Variants in AKAP19 observed in about 807,000 individuals in gnomAD.
AKAP19 encodes the protein A-kinase anchoring protein 19, also known as small A-kinase anchoring protein.
At chr2:190,093,639 A>T in the AKAP19 span, among the ~76,000 whole-genome samples, 1 of 151,964 alleles carries the variant, frequency 6.6e-6, no homozygotes, top group African/African-American at 2.4e-5. Flanking sequence ...TTGCTCTCAT[A>T]TTTCCCCTTC....
chr2:190,146,789 G>T, the AKAP19 span, among the ~76,000 whole-genome samples: 5 of 152,160 alleles, frequency 3.3e-5, no homozygotes, highest in South Asian at 1.0e-3. Flanking sequence ...TTGGCCATTT[G>T]TATATCTTCT....
chr2:189,926,232 A>G, the AKAP19 span, among the ~76,000 whole-genome samples: 1 of 152,198 alleles, frequency 6.6e-6, no homozygotes, highest in African/African-American at 2.4e-5. Flanking sequence ...AAATGACACA[A>G]TATGTTCCAT....
the AKAP19 span, among the ~76,000 whole-genome samples, chr2:190,177,995 G>A: frequency 6.6e-6 from 1 of 152,098 alleles, no homozygotes; most frequent in Admixed American, 6.5e-5. The surrounding 1 kb of genome is among the most constrained non-coding windows in gnomAD (Gnocchi z 4.6). Flanking sequence ...ATTCACCTCA[G>A]GCCATCGCTG....
the AKAP19 span, among the ~76,000 whole-genome samples, chr2:190,182,243 C>A: frequency 6.6e-6 from 1 of 152,160 alleles, no homozygotes; most frequent in Non-Finnish European, 1.5e-5. Flanking sequence ...ACTTAGGAAG[C>A]AGTACCTGTT....
chr2:190,011,054 T>C, the AKAP19 span, among the ~76,000 whole-genome samples: 180 of 128,434 alleles, frequency 1.4e-3, no homozygotes, highest in African/African-American at 4.9e-3. Context: ...CTCTCTCTTT[T>C]TTTTTTTTTT....
At chr2:190,142,602 A>G in the AKAP19 span, among the ~76,000 whole-genome samples, 1 of 152,214 alleles carries the variant, frequency 6.6e-6, no homozygotes, top group Non-Finnish European at 1.5e-5. Context: ...CTTATATGCC[A>G]GTAAACTTCT....
chr2:189,977,956 T>C, the AKAP19 span, among the ~76,000 whole-genome samples: 19 of 152,364 alleles, frequency 1.2e-4, no homozygotes, highest in Admixed American at 6.5e-4. Flanking sequence ...ATAAATTACA[T>C]AAGCTGTTCA....
the AKAP19 span, among the ~76,000 whole-genome samples, chr2:189,969,670 G>A: frequency 6.8e-6 from 1 of 148,000 alleles, no homozygotes; most frequent in Non-Finnish European, 1.5e-5. Flanking sequence ...CAGAGGTTGT[G>A]GTGAGCCAAG....
the AKAP19 span, among the ~76,000 whole-genome samples, chr2:190,139,917 C>T: frequency 6.6e-6 from 1 of 152,164 alleles, no homozygotes; most frequent in Non-Finnish European, 1.5e-5. Context: ...TCATCTGAGA[C>T]AAGGCAAGTC....
the AKAP19 span, chr2:190,199,967 C>CTAGGATGGCTTCTCCAGT: frequency 6.2e-7 from 1 of 1,614,066 alleles, no homozygotes; most frequent in Non-Finnish European, 8.5e-7. Flanking sequence ...AGATGTCTAC[C>CTAGGATGGCTTCTCCAGT]TAGGATGGCT....
the AKAP19 span, among the ~76,000 whole-genome samples, chr2:190,002,475 T>C: frequency 3.1e-4 from 47 of 152,218 alleles, no homozygotes; most frequent in African/African-American, 1.1e-3. Context: ...CACACCAACA[T>C]GGCACATGTA....
the AKAP19 span, among the ~76,000 whole-genome samples, chr2:189,935,284 T>C: frequency 0.05 from 7,595 of 150,634 alleles, 627 homozygotes; most frequent in African/African-American, 0.17. Flanking sequence ...CAGACATATA[T>C]TTAGAACTAG....
At chr2:190,069,705 G>A in the AKAP19 span, among the ~76,000 whole-genome samples, 10 of 152,214 alleles carry the variant, frequency 6.6e-5, no homozygotes, top group South Asian at 1.7e-3. Context: ...TTAGAAAGAA[G>A]TATTTTTAAA....
chr2:190,056,538 T>C, the AKAP19 span: 1 of 152,536 alleles, frequency 6.6e-6, no homozygotes, highest in Admixed American at 6.6e-5. Context: ...AAAGCCAACC[T>C]CTAGAAAAAT....
At chr2:190,096,034 G>C in the AKAP19 span, among the ~76,000 whole-genome samples, 1 of 152,116 alleles carries the variant, frequency 6.6e-6, no homozygotes, top group African/African-American at 2.4e-5. Context: ...ATAGAAGCTG[G>C]GCTTTTCTTC....
the AKAP19 span, among the ~76,000 whole-genome samples, chr2:190,160,095 C>T: frequency 2.6e-5 from 4 of 152,162 alleles, no homozygotes; most frequent in Admixed American, 2.0e-4. Context: ...GGGACAATCA[C>T]GACCTAGCTG....
chr2:189,890,762 A>G, the AKAP19 span, among the ~76,000 whole-genome samples: 2 of 151,622 alleles, frequency 1.3e-5, no homozygotes, highest in Non-Finnish European at 1.5e-5. Context: ...TTTGCTTTCT[A>G]TTTGCTTGGT....
chr2:190,080,111 T>A, the AKAP19 span: 1 of 152,150 alleles, frequency 6.6e-6, no homozygotes, highest in Admixed American at 6.5e-5. Flanking sequence ...AATTCATTCT[T>A]CCTCGGTTAT....
chr2:189,926,389 G>T, the AKAP19 span, among the ~76,000 whole-genome samples: 10 of 151,950 alleles, frequency 6.6e-5, no homozygotes, highest in Admixed American at 3.3e-4. Context: ...CCGCCTCCTG[G>T]GTTCACGCCA....
Sources: gnomAD v4.1 joint callset for allele counts (sites outside exome capture counted in the v4.1 genomes callset) on GRCh38, gnomAD v4.1.1 for gene constraint, Gnocchi (gnomAD v3.1) non-coding constraint, MANE v1.5 for transcripts, NCBI Gene and HGNC (gene_info 2026-07-23, HGNC 2026-07-21) for gene names.